Variants in EPB41L5 observed in about 807,000 individuals in gnomAD.
EPB41L5 encodes band 4.1-like protein 5.
EPB41L5 carries 55 observed loss-of-function variants against 106.6 expected under a neutral mutation model. That is an observed-to-expected ratio of 0.52 (90% CI 0.42 to 0.65). The LOEUF is 0.65. Among genes scored for constraint, EPB41L5 ranks in the 30% least tolerant of loss-of-function variants. EPB41L5 has a pLI of 0.00. For missense variants in EPB41L5, 871 were observed against 882.1 expected, an observed-to-expected ratio of 0.99 and a Z score of 0.16; for synonymous variants, 297 against 306.7, an observed-to-expected ratio of 0.97 and a Z score of 0.33.
intron 2 of EPB41L5, among the ~76,000 whole-genome samples, chr2:120,039,324 A>T (rs1225599152): frequency 1.3e-5 from 2 of 152,074 alleles, no homozygotes; most frequent in Admixed American, 1.3e-4. Context: ...AGTGTTTCTG[A>T]TTGGAATAGT....
intron 13 of EPB41L5, among the ~76,000 whole-genome samples, chr2:120,091,921 C>G (rs1683438149): frequency 6.6e-6 from 1 of 152,140 alleles, no homozygotes; most frequent in East Asian, 1.9e-4. Context: ...AAAACTGTTT[C>G]TGTAGAGCAA....
chr2:120,101,085 C>A (rs1297712967), intron 16 of EPB41L5, among the ~76,000 whole-genome samples: 3 of 152,240 alleles, frequency 2.0e-5, no homozygotes, highest in Admixed American at 6.5e-5. Context: ...TAAAATAAAT[C>A]TGCCCTTATT....
At chr2:120,174,743 G>T in intron 24 of EPB41L5, 98 bp from the exon 25 acceptor site, 1 of 1,006,800 alleles carries the variant, frequency 9.9e-7, no homozygotes, top group Non-Finnish European at 1.6e-6. Flanking sequence ...GTAATCTGCT[G>T]TACCCTCAAA....
intron 1 of EPB41L5, among the ~76,000 whole-genome samples, chr2:120,018,153 G>T (rs1392704549): frequency 1.3e-5 from 2 of 151,544 alleles, no homozygotes; most frequent in Admixed American, 1.3e-4. Context: ...TTTTTTAGTA[G>T]AGACGGGGTT....
intron 14 of EPB41L5, among the ~76,000 whole-genome samples, chr2:120,096,397 G>A (rs1057055152): frequency 2.6e-5 from 4 of 152,096 alleles, no homozygotes; most frequent in Non-Finnish European, 5.9e-5. Flanking sequence ...AACTCTCTCC[G>A]TGAGATTTTT....
chr2:120,172,771 C>T (rs1458017563), intron 24 of EPB41L5, among the ~76,000 whole-genome samples: 1 of 152,120 alleles, frequency 6.6e-6, no homozygotes, highest in East Asian at 1.9e-4. Flanking sequence ...AAGATGGTAG[C>T]TGCCCAGTGG....
Position 120,167,549 on chromosome 2 carries a change from T to A in EPB41L5, c.2004+42T>A, listed in dbSNP as rs780058296. The stretch of plus-strand genomic sequence containing the variant: ...TGTGATTTTTCTTCTGGCTACCCTT[T>A]CAGGGTAAGGCCTAAAGGATTACTA... On this transcript the variant is annotated intron_variant, in intron 23 of 24. Transcript: ENST00000263713. 4 of 1,584,134 alleles carry A rather than the reference T, an allele frequency of 2.5e-6. No homozygotes were observed. The Admixed American group carries it at 6.7e-5, about 26-fold the overall frequency.
chr2:120,076,784 A>G (rs1682275166), intron 7 of EPB41L5, among the ~76,000 whole-genome samples, 187 bp from the exon 8 acceptor site: 1 of 152,178 alleles, frequency 6.6e-6, no homozygotes, highest in Admixed American at 6.6e-5. Context: ...TACACTACCA[A>G]AAATAAATAT....
At chr2:120,152,050 TC>T (rs1373920278) in intron 20 of EPB41L5, among the ~76,000 whole-genome samples, 1 of 152,194 alleles carries the variant, frequency 6.6e-6, no homozygotes, top group Non-Finnish European at 1.5e-5. Flanking sequence ...GGCTAGAACT[TC>T]CAGTACAGTG....
intron 16 of EPB41L5, chr2:120,108,142 C>G (rs1010682227): frequency 6.6e-6 from 1 of 152,068 alleles, no homozygotes; most frequent in Non-Finnish European, 1.5e-5. Context: ...TTCTGTGTTA[C>G]AAGCTGTGGC....
At chr2:120,017,341 C>T (rs1255362707) in intron 1 of EPB41L5, among the ~76,000 whole-genome samples, 3 of 152,114 alleles carry the variant, frequency 2.0e-5, no homozygotes, top group Admixed American at 6.5e-5. Flanking sequence ...GGTTATTGTT[C>T]GATCAGTATT....
intron 3 of EPB41L5, among the ~76,000 whole-genome samples, chr2:120,054,520 A>T (rs1680502180): frequency 3.8e-4 from 1 of 2,620 alleles, no homozygotes; most frequent in Non-Finnish European, 6.0e-3. Context: ...TTTGAGAAAG[A>T]GTCTCACTCT....
chr2:120,015,814 A>G (rs1677477309), intron 1 of EPB41L5, among the ~76,000 whole-genome samples: 3 of 146,312 alleles, frequency 2.1e-5, no homozygotes, highest in Non-Finnish European at 3.0e-5. Context: ...GCCCGGTGGG[A>G]TGGTATGTGC....
intron 3 of EPB41L5, among the ~76,000 whole-genome samples, chr2:120,072,887 A>C (rs555884053): frequency 1.3e-5 from 2 of 152,034 alleles, no homozygotes; most frequent in South Asian, 4.2e-4. Flanking sequence ...TTACGTAACA[A>C]ACCTGCACGT....
chr2:120,098,156 T>TTTTGTGTGTGTGTG (rs1553506368), intron 14 of EPB41L5, among the ~76,000 whole-genome samples: 9 of 133,670 alleles, frequency 6.7e-5, no homozygotes, highest in Non-Finnish European at 1.4e-4. Flanking sequence ...ATTGTTTGTT[T>TTTTGTGTGTGTGTG]TGTGTGTGTG....
At chr2:120,084,771 G>A (rs767895917) in intron 10 of EPB41L5, among the ~76,000 whole-genome samples, 5 of 152,138 alleles carry the variant, frequency 3.3e-5, no homozygotes, top group African/African-American at 9.7e-5. Context: ...CCAATCAGAC[G>A]TAGATTTGGT....
chr2:120,130,161 A>G lies in EPB41L5; in HGVS notation c.1502-1457A>G, dbSNP rs957914052. 1.3e-4 allele frequency among the ~76,000 whole-genome samples: 20 copies of G among 151,094 alleles called. No homozygotes were observed. In the South Asian group the frequency reaches 3.8e-3, roughly 28 times the overall value. On this transcript the variant is annotated intron_variant, in intron 17 of 24. Transcript: ENST00000263713. Reference sequence around the variant, plus strand: ...TCCATCTCAAAAAAAAAAAAAAAAAAGGGTTCCTAAGAGTTAGTGAGCACC... The same window carrying G: ...TCCATCTCAAAAAAAAAAAAAAAAAGGGGTTCCTAAGAGTTAGTGAGCACC...
chr2:120,122,615 C>A (rs1685272412), intron 16 of EPB41L5, among the ~76,000 whole-genome samples: 1 of 152,126 alleles, frequency 6.6e-6, no homozygotes, highest in Admixed American at 6.5e-5. Flanking sequence ...AGCATGATGC[C>A]TCCAGCTTTG....
chr2:120,052,644 T>C (rs2105253439), intron 3 of EPB41L5, among the ~76,000 whole-genome samples: 1 of 152,310 alleles, frequency 6.6e-6, no homozygotes, highest in Non-Finnish European at 1.5e-5. Context: ...TCAAGATGGC[T>C]TCTATGTTCA....
Sources: allele counts gnomAD v4.1 joint callset (sites outside exome capture counted in the v4.1 genomes callset), GRCh38; gene constraint gnomAD v4.1.1; transcripts MANE v1.5; gene names NCBI Gene and HGNC (gene_info 2026-07-23, HGNC 2026-07-21).